The following USP12 variants were observed in gnomAD, a reference collection of about 807,000 sequenced individuals.
USP12 encodes the protein ubiquitin carboxyl-terminal hydrolase 12.
A neutral mutation model predicts 45.5 loss-of-function variants in USP12; 19 were observed. The ratio of observed to expected loss-of-function variants is 0.42; its 90% confidence interval spans 0.29 to 0.61. The LOEUF is 0.61. USP12 is among the 20% of genes least tolerant of loss of function. USP12 has a pLI of 0.22. For synonymous variants in USP12, 149 were observed against 148.8 expected, an observed-to-expected ratio of 1.00 and a Z score of -0.01; for missense variants, 242 against 447.7, an observed-to-expected ratio of 0.54 and a Z score of 4.15.
intron 4 of USP12, 40 bp from the exon 5 acceptor site, chr13:27,090,198 T>C: frequency 6.7e-7 from 1 of 1,502,462 alleles, no homozygotes; most frequent in Non-Finnish European, 9.2e-7. Context: ...TTTCAAATAC[T>C]AGTAAACCAC....
chr13:27,087,927 G>C (rs1208386868), intron 6 of USP12, among the ~76,000 whole-genome samples: 1 of 152,164 alleles, frequency 6.6e-6, no homozygotes, highest in Non-Finnish European at 1.5e-5. Context: ...TAAAATGAAA[G>C]TTCAATGAAG....
intron 3 of USP12, 152 bp downstream of exon 3, chr13:27,105,579 A>G (rs1037350262): frequency 2.8e-5 from 19 of 677,988 alleles, no homozygotes; most frequent in African/African-American, 3.6e-5. Flanking sequence ...TCACTAAACG[A>G]GTGCCTCTTT....
intron 3 of USP12, among the ~76,000 whole-genome samples, chr13:27,101,430 T>G (rs1242236149): frequency 6.6e-6 from 1 of 152,222 alleles, no homozygotes. Context: ...GCTTTGGAAG[T>G]TAAACAATTT....
intron 2 of USP12, among the ~76,000 whole-genome samples, chr13:27,109,758 A>G (rs1466725077): frequency 6.6e-6 from 1 of 151,984 alleles, no homozygotes; most frequent in Non-Finnish European, 1.5e-5. Flanking sequence ...TACTAAAAAT[A>G]CAAAAACTAG....
intron 6 of USP12, among the ~76,000 whole-genome samples, chr13:27,087,655 G>A (rs1179764361): frequency 1.3e-5 from 2 of 152,198 alleles, no homozygotes; most frequent in Admixed American, 6.5e-5. Flanking sequence ...TTTCCCCTAA[G>A]AGAAACCAGG....
intron 3 of USP12, among the ~76,000 whole-genome samples, chr13:27,099,553 C>T (rs1354102849): frequency 6.6e-6 from 1 of 152,168 alleles, no homozygotes; most frequent in African/African-American, 2.4e-5. Context: ...AGTCACCTCC[C>T]TTCACTTAAC....
At chr13:27,113,595 G>A (rs1479248124) in intron 2 of USP12, among the ~76,000 whole-genome samples, 1 of 152,140 alleles carries the variant, frequency 6.6e-6, no homozygotes, top group Non-Finnish European at 1.5e-5. Context: ...CTCACCCTAT[G>A]TTCTTACTCC....
chr13:27,133,628 A>G (rs894470725), intron 1 of USP12, among the ~76,000 whole-genome samples: 59 of 24,842 alleles, frequency 2.4e-3, no homozygotes, highest in African/African-American at 8.5e-3. Flanking sequence ...CTCTGTCTCA[A>G]AAAAAAAAAA....
chr13:27,148,317 C>T (rs1215014134), intron 1 of USP12, among the ~76,000 whole-genome samples: 3 of 151,898 alleles, frequency 2.0e-5, no homozygotes, highest in African/African-American at 7.3e-5. Context: ...ATAAAGGACA[C>T]TATAAATGTG....
intron 3 of USP12, among the ~76,000 whole-genome samples, chr13:27,100,671 C>T (rs1023142208): frequency 2.0e-5 from 3 of 152,172 alleles, no homozygotes; most frequent in Admixed American, 6.5e-5. Flanking sequence ...ATTTCCGGGT[C>T]ACAAATCTGG....
At chr13:27,171,035 G>A (rs1878573584) in intron 1 of USP12, among the ~76,000 whole-genome samples, 1 of 152,160 alleles carries the variant, frequency 6.6e-6, no homozygotes, top group African/African-American at 2.4e-5. Flanking sequence ...CCTCTCCCAG[G>A]CGGGAATGAG....
intron 1 of USP12, among the ~76,000 whole-genome samples, chr13:27,137,907 T>C (rs1453027622): frequency 6.6e-6 from 1 of 152,262 alleles, no homozygotes; most frequent in Non-Finnish European, 1.5e-5. Context: ...GAGGGCCACA[T>C]GGCGAGGAAC....
chr13:27,087,298 T>C (rs1438397173), intron 6 of USP12, among the ~76,000 whole-genome samples: 1 of 150,858 alleles, frequency 6.6e-6, no homozygotes, highest in Non-Finnish European at 1.5e-5. Context: ...CACGCTCGTG[T>C]GCATGCAGGG....
At chr13:27,088,165 A>C (rs1243306683) in intron 6 of USP12, among the ~76,000 whole-genome samples, 3 of 152,222 alleles carry the variant, frequency 2.0e-5, no homozygotes, top group African/African-American at 7.2e-5. Flanking sequence ...TCACGCCTGT[A>C]ATCCCAGCTC....
At chr13:27,132,214 TATC>T (rs1352497190) in intron 1 of USP12, among the ~76,000 whole-genome samples, 1 of 152,210 alleles carries the variant, frequency 6.6e-6, no homozygotes, top group African/African-American at 2.4e-5. Context: ...TTCCATGCTT[TATC>T]TTTGGTGTAT....
chr13:27,136,875 TAGAG>T (rs765329399), intron 1 of USP12, among the ~76,000 whole-genome samples: 4 of 152,158 alleles, frequency 2.6e-5, no homozygotes, highest in African/African-American at 9.7e-5. Flanking sequence ...AGGTTTAAGT[TAGAG>T]GGAGTAAAAA....
At position 27,075,944 on chromosome 13, in the gene USP12, C is replaced by T. The variant is rs544138173; in HGVS notation, c.735-556G>A. On this transcript the variant is annotated intron_variant, in intron 6 of 8. Transcript: ENST00000282344. ...ACTCGGGAAGCTGGGGCAGGAGAAT[C>T]GCTTGAACCCAGGAGGCGGAGGTTG... 3.7e-4 allele frequency among the ~76,000 whole-genome samples: 56 copies of T among 150,348 alleles called. 1 individual carries two copies. In the South Asian group the frequency reaches 0.012, roughly 31 times the overall value.
chr13:27,143,099 G>GA (rs55973953), intron 1 of USP12, among the ~76,000 whole-genome samples: 137,351 of 143,444 alleles, frequency 0.96, 65,761 homozygotes, highest in Non-Finnish European at 0.98. Context: ...CTCAAAAAAA[G>GA]AAAAAAAAAA....
At chr13:27,088,555 A>G (rs1007430209) in intron 6 of USP12, among the ~76,000 whole-genome samples, 1 of 152,196 alleles carries the variant, frequency 6.6e-6, no homozygotes, top group Admixed American at 6.5e-5. Flanking sequence ...TGAACAAACA[A>G]GACAGTTTAT....
Sources: gnomAD v4.1 joint callset for allele counts (sites outside exome capture counted in the v4.1 genomes callset) on GRCh38, gnomAD v4.1.1 for gene constraint, MANE v1.5 for transcripts, NCBI Gene and HGNC (gene_info 2026-07-23, HGNC 2026-07-21) for gene names.